The following NECTIN3 variants were observed in gnomAD, a reference collection of about 807,000 sequenced individuals.
NECTIN3 encodes nectin-3.
NECTIN3 carries 8 observed loss-of-function variants against 49.4 expected under a neutral mutation model. The ratio of observed to expected loss-of-function variants is 0.16; its 90% CI spans 0.10 to 0.29. The LOEUF (loss-of-function observed/expected upper bound fraction) is 0.29, where lower values mean the gene tolerates loss of function less well. Among genes scored for constraint, NECTIN3 ranks in the 10% least tolerant of loss-of-function variants. NECTIN3 has a pLI of 1.00. For missense variants in NECTIN3, 581 were observed against 654.6 expected, an observed-to-expected ratio of 0.89 and a Z score of 1.23; for synonymous variants, 277 against 241.1, an observed-to-expected ratio of 1.15 and a Z score of -1.38.
At chr3:111,192,376 A>G in exon 1 of NECTIN3, 3 of 1,535,998 alleles carry the variant, frequency 2.0e-6, no homozygotes, top group Non-Finnish European at 2.6e-6. Flanking sequence ...TTGCAGACTC[A>G]GTTCAAAGAA....
intron 1 of NECTIN3, among the ~76,000 whole-genome samples, chr3:111,097,833 C>T (rs2032677820): frequency 6.6e-6 from 1 of 152,106 alleles, no homozygotes; most frequent in Non-Finnish European, 1.5e-5. Context: ...ATTGTCCACT[C>T]TCGGGTGTAT....
chr3:111,144,580 A>G (rs1398949716), intron 5 of NECTIN3, among the ~76,000 whole-genome samples: 1 of 152,016 alleles, frequency 6.6e-6, no homozygotes, highest in Non-Finnish European at 1.5e-5. Context: ...TTAGAGTACA[A>G]ACTTAAAATT....
rs1238213906 is a variant in NECTIN3 at position 111,072,168 on chromosome 3, A to G, written c.151A>G (p.Arg51Gly). ...GCTCTTCCCGCTGCTGCTCTTCTCC[A>G]GGCTCTGTGGTAGGTGAACCTCGGC... is the stretch of plus-strand genomic sequence containing the variant. Reference protein sequence around the residue: ...LLLFPLLLFSRLCGALAGPII... With the variant: ...LLLFPLLLFSGLCGALAGPII... The change falls in exon 1 of 6, where the codon AGG becomes GGG. Residue 51 changes from arginine to glycine, a missense_variant. This residue lies in a region of NECTIN3 where 109 missense variants were observed against 69.1 expected (regional missense o/e 1.58). Transcript: ENST00000485303. The G allele has an allele frequency of 3.7e-5, 57 of 1,555,474 alleles. No individual in the cohort carries two copies. The highest frequency in any genetic ancestry group is 4.7e-5 in the Non-Finnish European group (54 of 1,151,122).
intron 1 of NECTIN3, among the ~76,000 whole-genome samples, chr3:111,096,737 T>C (rs890206607): frequency 6.6e-6 from 1 of 152,158 alleles, no homozygotes; most frequent in African/African-American, 2.4e-5. Context: ...GCCCCAAGCC[T>C]TGGCAGCTTC....
intron 1 of NECTIN3, chr3:111,072,651 G>T: frequency 7.1e-7 from 1 of 1,417,478 alleles, no homozygotes; most frequent in Non-Finnish European, 9.6e-7. Context: ...CCCTGGAGAA[G>T]GCACCATTTT....
At position 111,134,993 on chromosome 3, in the gene NECTIN3, T is replaced by G; in HGVS notation, c.*778T>G. ...ATTATTAGTTTTTTTTTTTCCTTTCTGGAACATGGATTTTGGTACATTAGC... is the reference window on the plus strand; with the variant it reads ...ATTATTAGTTTTTTTTTTTCCTTTCGGGAACATGGATTTTGGTACATTAGC... On this transcript the variant is annotated 3_prime_UTR_variant, in exon 6 of 6. Transcript: ENST00000485303. 1 of 978,742 alleles carries G rather than the reference T, an allele frequency of 1.0e-6. No homozygotes were observed. The highest frequency in any genetic ancestry group is 1.2e-6 in the Non-Finnish European group (1 of 824,058). 60.6% of individuals were successfully genotyped at this position (978,742 alleles called of 1,614,324 possible). A position where few individuals can be genotyped will look rare whatever the true frequency, so the allele number is the denominator to read the frequency against.
At position 111,137,335 on chromosome 3, in the gene NECTIN3, G is replaced by T; in HGVS notation, c.*3120G>T. ...CCTGTTTACTTGTTAATTAGAAAAT[G>T]CATCCTTCATAAACAGCTCCTTTCT... On this transcript the variant is annotated 3_prime_UTR_variant, in exon 6 of 6. Coordinates refer to ENST00000485303, the MANE Select transcript of NECTIN3 (RefSeq NM_015480.3). 1 of 972,594 alleles carries T rather than the reference G, an allele frequency of 1.0e-6. No individual in the cohort carries two copies. The allele number at this position is 972,594 out of a possible 1,614,324, so 60.2% of individuals were successfully genotyped here. A position where few individuals can be genotyped will look rare whatever the true frequency, so the allele number is the denominator to read the frequency against.
At chr3:111,186,662 A>G (rs1231580087) in intron 7 of NECTIN3, among the ~76,000 whole-genome samples, 1 of 152,314 alleles carries the variant, frequency 6.6e-6, no homozygotes, top group South Asian at 2.1e-4. Flanking sequence ...CTGCATATGT[A>G]CCCCTGAACT....
At chr3:111,172,119 T>C (rs1345532427) in intron 7 of NECTIN3, among the ~76,000 whole-genome samples, 2 of 152,210 alleles carry the variant, frequency 1.3e-5, no homozygotes, top group Non-Finnish European at 2.9e-5. Context: ...TTTTAAGCCC[T>C]GTAATCTTAG....
exon 6 of NECTIN3, chr3:111,144,973 A>G: frequency 9.1e-6 from 14 of 1,536,324 alleles, no homozygotes; most frequent in South Asian, 1.2e-5. Flanking sequence ...CCTTTTCATC[A>G]TTGCTATCTT....
rs565221571 is a variant in NECTIN3, at chr3:111,183,594, G to A, written c.1222-8757G>A. 9.2e-5 allele frequency among the ~76,000 whole-genome samples: 14 copies of A among 152,106 alleles called. No homozygotes were observed. The East Asian group carries it at 2.3e-3, about 25-fold the overall frequency. ...CTCCCAAAGTGCTGGGATTACAGGC[G>A]TGAGCCACAATGCCCAGCCTATTTT... On this transcript the variant is annotated intron_variant, in intron 7 of 8. Transcript: ENST00000493615.
At position 111,115,770 on chromosome 3, in the gene NECTIN3, A is replaced by T. The variant is rs571013848; in HGVS notation, c.503-2886A>T. Among the ~76,000 whole-genome samples the T allele has an allele frequency of 1.9e-4, 29 of 152,344 alleles. No homozygotes were observed. The South Asian group carries it at 5.8e-3, about 30-fold the overall frequency. ...ATGAGGCCATGAAGACTTGCAATTA[A>T]TTTTGTAATTTCTGCCACATGAATG... On this transcript the variant is annotated intron_variant, in intron 2 of 5. Transcript: ENST00000485303.
chr3:111,158,007 A>G (rs1416933177), intron 7 of NECTIN3, among the ~76,000 whole-genome samples: 2 of 152,102 alleles, frequency 1.3e-5, no homozygotes, highest in African/African-American at 4.8e-5. Context: ...ACTGTTGCCA[A>G]TCCACATAAC....
At chr3:111,169,124 C>T (rs1248457529) in intron 7 of NECTIN3, among the ~76,000 whole-genome samples, 3 of 113,884 alleles carry the variant, frequency 2.6e-5, no homozygotes, top group Non-Finnish European at 4.9e-5. Context: ...GAGTCTCGCT[C>T]TGTCGCCCAG....
chr3:111,140,207 G>A (rs1246312037), downstream of NECTIN3, among the ~76,000 whole-genome samples: 1 of 151,774 alleles, frequency 6.6e-6, no homozygotes, highest in Admixed American at 6.6e-5. Context: ...TTATCTTTAT[G>A]TTCTAGATAT....
rs781127924 is a variant in NECTIN3, at chr3:111,112,343, C to G, written c.474C>G (p.Ala158=). ...CKAVTFPLGN[A]QSSTTVTVLV... ...CTGTTACATTCCCGCTTGGAAATGC[C>G]CAGTCCTCTACAACTGTAACTGTGT... Residue 158 remains alanine, a synonymous_variant, in exon 2 of 6, where the codon GCC becomes GCG. Transcript: ENST00000485303. 6.8e-6 allele frequency: 11 copies of G among 1,609,752 alleles called. 1 individual carries two copies. The highest frequency in any genetic ancestry group is 6.6e-5 in the South Asian group (6 of 90,630).
At chr3:111,191,140 A>G (rs1220184375), upstream of NECTIN3, among the ~76,000 whole-genome samples, 1 of 152,162 alleles carries the variant, frequency 6.6e-6, no homozygotes, top group Non-Finnish European at 1.5e-5. Context: ...TATTTTCCAG[A>G]CACTAAAATG....
intron 7 of NECTIN3, among the ~76,000 whole-genome samples, chr3:111,186,616 G>C (rs758157369): frequency 6.6e-6 from 1 of 152,066 alleles, no homozygotes; most frequent in Non-Finnish European, 1.5e-5. Context: ...CTGTACATTA[G>C]ATCCCCATGA....
At chr3:111,189,593 T>C (rs1448334292), upstream of NECTIN3, among the ~76,000 whole-genome samples, 1 of 152,190 alleles carries the variant, frequency 6.6e-6, no homozygotes, top group Non-Finnish European at 1.5e-5. Context: ...CATTTCTTAA[T>C]TATCTGTATT....
Sources: allele counts gnomAD v4.1 joint callset (sites outside exome capture counted in the v4.1 genomes callset), GRCh38; gene constraint gnomAD v4.1.1; regional missense constraint gnomAD v4.1.1; transcripts MANE v1.5; gene names NCBI Gene and HGNC (gene_info 2026-07-23, HGNC 2026-07-21).